UNC5B: variants seen among roughly 807,000 people sequenced by gnomAD.
UNC5B encodes netrin receptor UNC5B.
Under a neutral mutation model 103.7 loss-of-function variants are expected in UNC5B, and 56 were observed. The observed-to-expected ratio is 0.54, with a 90% CI of 0.44 to 0.67. The LOEUF is 0.67. Among genes scored for constraint, UNC5B ranks in the 30% least tolerant of loss-of-function variants. The pLI is 0.00. For missense variants in UNC5B, 1,194 were observed against 1,284.5 expected (o/e 0.93, Z 1.08); for synonymous variants, 577 against 542.0 (o/e 1.06, Z -0.90).
chr10:71,288,497 T>G, intron 6 of UNC5B, 71 bp from the exon 7 acceptor site: 3 of 1,538,324 alleles, frequency 2.0e-6, no homozygotes, highest in Non-Finnish European at 2.6e-6. Flanking sequence ...CACATTGCTC[T>G]GTTCTGCACA....
chr10:71,257,445 C>T (rs768808928), intron 1 of UNC5B, among the ~76,000 whole-genome samples: 11 of 152,242 alleles, frequency 7.2e-5, no homozygotes, highest in Non-Finnish European at 1.5e-4. Context: ...CCAGGCCCAC[C>T]CAGGCGAGTC....
At chr10:71,252,295 G>T (rs913306475) in intron 1 of UNC5B, among the ~76,000 whole-genome samples, 4 of 152,188 alleles carry the variant, frequency 2.6e-5, no homozygotes, top group African/African-American at 4.8e-5. Flanking sequence ...AGGCTGTGAG[G>T]GTGGCTCCCT....
intron 1 of UNC5B, among the ~76,000 whole-genome samples, chr10:71,259,203 A>G (rs1844358496): frequency 6.6e-6 from 1 of 152,208 alleles, no homozygotes; most frequent in Non-Finnish European, 1.5e-5. Context: ...CAGCCTGGCC[A>G]ACATGGCAAA....
chr10:71,298,984 A>G, intron 16 of UNC5B, 128 bp from the exon 17 acceptor site: 1 of 1,262,230 alleles, frequency 7.9e-7, no homozygotes, highest in East Asian at 2.3e-5. Flanking sequence ...AGTAGCTGCA[A>G]TTCAGACCCA....
At chr10:71,232,800 G>A (rs1301717066) in intron 1 of UNC5B, among the ~76,000 whole-genome samples, 1 of 152,250 alleles carries the variant, frequency 6.6e-6, no homozygotes, top group Non-Finnish European at 1.5e-5. Flanking sequence ...CTGCCATGCA[G>A]CATGTCAGTG....
intron 10 of UNC5B, among the ~76,000 whole-genome samples, chr10:71,292,118 C>T (rs1272160317): frequency 6.6e-6 from 1 of 152,228 alleles, no homozygotes; most frequent in Admixed American, 6.5e-5. Flanking sequence ...ACCTACAAAG[C>T]ACTGTCCTGG....
intron 1 of UNC5B, among the ~76,000 whole-genome samples, chr10:71,264,991 A>G (rs1844493224): frequency 7.3e-6 from 1 of 137,326 alleles, no homozygotes; most frequent in Admixed American, 7.4e-5. Flanking sequence ...AAAAAAAAAA[A>G]GAGTATGGGC....
intron 5 of UNC5B, 142 bp from the exon 6 acceptor site, chr10:71,287,456 A>T (rs1242637346): frequency 1.3e-5 from 13 of 1,016,416 alleles, no homozygotes; most frequent in Non-Finnish European, 1.7e-5. Context: ...GCCAGTTCTG[A>T]GTCCCTACAC....
intron 1 of UNC5B, among the ~76,000 whole-genome samples, chr10:71,279,499 T>A (rs1217063129): frequency 1.3e-5 from 2 of 152,088 alleles, no homozygotes; most frequent in Admixed American, 6.5e-5. Flanking sequence ...CCAAGGGGTG[T>A]CCTCACCCAG....
At chr10:71,281,371 C>T (rs1167428610) in intron 2 of UNC5B, among the ~76,000 whole-genome samples, 12 of 150,556 alleles carry the variant, frequency 8.0e-5, no homozygotes, top group Admixed American at 5.3e-4. Context: ...GACAGAGTCT[C>T]GCTCTGTCAC....
chr10:71,240,285 G>A (rs113599359), intron 1 of UNC5B, among the ~76,000 whole-genome samples: 12 of 152,372 alleles, frequency 7.9e-5, no homozygotes, highest in African/African-American at 2.6e-4. Context: ...TGCATCCTCT[G>A]GCTTCTGCCC....
At position 71,293,610 on chromosome 10, in the gene UNC5B, A is replaced by G. The variant is rs1845325205; in HGVS notation, c.1941+37A>G. The G allele has an allele frequency of 1.9e-6, 3 of 1,612,538 alleles. No homozygotes were observed. In the African/African-American group the frequency reaches 4.0e-5, roughly 22 times the overall value. On this transcript the variant is annotated intron_variant, in intron 12 of 16. Transcript: ENST00000335350. ...CGGTGAAGGCTGGCCCAGCTCTCCCAACCTGCCCAGGGAGGCAAAAGAAAG... is the reference window on the plus strand; with the variant it reads ...CGGTGAAGGCTGGCCCAGCTCTCCCGACCTGCCCAGGGAGGCAAAAGAAAG...
At chr10:71,289,981 A>C (rs1451756464) in intron 8 of UNC5B, among the ~76,000 whole-genome samples, 2 of 152,236 alleles carry the variant, frequency 1.3e-5, no homozygotes, top group East Asian at 3.8e-4. Flanking sequence ...GTGCGTGGAC[A>C]GGTGCTTCCT....
intron 1 of UNC5B, among the ~76,000 whole-genome samples, chr10:71,227,952 A>G (rs541714763): frequency 6.6e-6 from 1 of 152,330 alleles, no homozygotes; most frequent in South Asian, 2.1e-4. Flanking sequence ...CCTGCCAGAT[A>G]GTAAAACATA....
chr10:71,250,994 C>A (rs535663238), intron 1 of UNC5B, among the ~76,000 whole-genome samples: 1 of 152,322 alleles, frequency 6.6e-6, no homozygotes, highest in South Asian at 2.1e-4. Context: ...TGATGACTTT[C>A]AGGAGATGTG....
At chr10:71,235,677 A>G (rs1344032533) in intron 1 of UNC5B, among the ~76,000 whole-genome samples, 2 of 152,222 alleles carry the variant, frequency 1.3e-5, no homozygotes, top group Non-Finnish European at 2.9e-5. Context: ...CCCAGCCTCC[A>G]GCCCTGAGGA....
At position 71,279,811 on chromosome 10, in the gene UNC5B, C is replaced by G; in HGVS notation, c.80-10C>G. 1.9e-6 allele frequency: 3 copies of G among 1,610,948 alleles called. No individual in the cohort carries two copies. Among genetic ancestry groups the G allele is most frequent in the Non-Finnish European group, 2.5e-6 (3 of 1,178,896 alleles). ...ACACAGCCTCATGGAGGTCTCCACTCACTCTGCAGGCACTGATTCTGGCAG... is the reference window on the plus strand; with the variant it reads ...ACACAGCCTCATGGAGGTCTCCACTGACTCTGCAGGCACTGATTCTGGCAG... On this transcript the variant is annotated splice_polypyrimidine_tract_variant and intron_variant, in intron 1 of 16. Transcript: ENST00000335350.
At chr10:71,282,649 G>A (rs1844960282) in intron 2 of UNC5B, among the ~76,000 whole-genome samples, 1 of 152,092 alleles carries the variant, frequency 6.6e-6, no homozygotes, top group Non-Finnish European at 1.5e-5. Flanking sequence ...GGCAGGCACT[G>A]TCACCCACCC....
At chr10:71,282,021 G>A (rs372766455) in intron 2 of UNC5B, among the ~76,000 whole-genome samples, 223 of 152,314 alleles carry the variant, frequency 1.5e-3, no homozygotes, top group Non-Finnish European at 2.2e-3. Context: ...CTCACAGGCC[G>A]TTAGCATAGT....
Sources: allele counts gnomAD v4.1 joint callset (sites outside exome capture counted in the v4.1 genomes callset), GRCh38; gene constraint gnomAD v4.1.1; transcripts MANE v1.5; gene names NCBI Gene and HGNC (gene_info 2026-07-23, HGNC 2026-07-21).